The following ZNF385D variants were observed in gnomAD, a reference collection of about 807,000 sequenced individuals.
ZNF385D encodes the protein zinc finger protein 385D.
A neutral mutation model predicts 35.8 loss-of-function variants in ZNF385D; 15 were observed. That is an observed-to-expected ratio of 0.42 (90% CI 0.28 to 0.64). The LOEUF is 0.64. Among genes scored for constraint, ZNF385D ranks in the 30% least tolerant of loss-of-function variants. The pLI is 0.23. For missense variants in ZNF385D, 474 were observed against 494.6 expected, an observed-to-expected ratio of 0.96 and a Z score of 0.39; for synonymous variants, 212 against 186.8, an observed-to-expected ratio of 1.13 and a Z score of -1.10.
chr3:21,904,819 A>G (rs1699590579), intron 3 of ZNF385D, among the ~76,000 whole-genome samples: 1 of 152,190 alleles, frequency 6.6e-6, no homozygotes, highest in South Asian at 2.1e-4. Context: ...AAAGAACAGT[A>G]CTTATGAGAA....
intron 3 of ZNF385D, among the ~76,000 whole-genome samples, chr3:22,152,361 T>C (rs1254615564): frequency 6.6e-6 from 1 of 152,166 alleles, no homozygotes; most frequent in Non-Finnish European, 1.5e-5. Context: ...TCTGTATTAG[T>C]CTCCTATCAT....
chr3:21,737,241 T>A (rs1415460307), intron 1 of ZNF385D, among the ~76,000 whole-genome samples: 1 of 152,352 alleles, frequency 6.6e-6, no homozygotes, highest in East Asian at 1.9e-4. Flanking sequence ...GATAGATACA[T>A]GTGTCCATGT....
At chr3:22,127,690 T>C (rs147942736) in intron 3 of ZNF385D, among the ~76,000 whole-genome samples, 41 of 152,226 alleles carry the variant, frequency 2.7e-4, no homozygotes, top group African/African-American at 9.1e-4. Context: ...AATATTATCT[T>C]ATAATCTATT....
intron 2 of ZNF385D, among the ~76,000 whole-genome samples, chr3:22,341,023 G>A (rs920318613): frequency 5.3e-5 from 8 of 152,148 alleles, no homozygotes; most frequent in Non-Finnish European, 1.0e-4. Context: ...AGGTGACAAA[G>A]CAAGCAAGGT....
Position 21,843,411 on chromosome 3 carries a change from C to A in ZNF385D, c.326-178383G>T, listed in dbSNP as rs17009768. ...ATTATCCCTGAGGATATGTTTCAGC[C>A]TAAGAGAAATGCGAGCCTGTTGTCC... On this transcript the variant is annotated intron_variant, in intron 3 of 5. Coordinates refer to the ZNF385D transcript ENST00000494108. Among the ~76,000 whole-genome samples the A allele has an allele frequency of 9.5e-3, 1,444 of 151,960 alleles. 25 individuals carry two copies. Among genetic ancestry groups the A allele is most frequent in the African/African-American group, 0.033 (1,374 of 41,490 alleles).
intron 3 of ZNF385D, among the ~76,000 whole-genome samples, chr3:22,163,069 G>C (rs1706075931): frequency 1.3e-5 from 2 of 152,138 alleles, no homozygotes; most frequent in Non-Finnish European, 2.9e-5. Context: ...ACCCACTTTT[G>C]AGGCAAGGAG....
chr3:21,768,627 G>C lies in ZNF385D; in HGVS notation c.326-103599C>G, dbSNP rs575325090. On this transcript the variant is annotated intron_variant, in intron 3 of 5. Coordinates refer to the ZNF385D transcript ENST00000494108. ...TGAAATAAATTGCACATAGCTCATA[G>C]GAACCAGGGTAGAAAAAAAGACTTT... Among the ~76,000 whole-genome samples, 53 of 152,112 alleles carry C rather than the reference G, an allele frequency of 3.5e-4. 2 individuals are homozygous for C. The South Asian group carries it at 0.011, about 32-fold the overall frequency.
At chr3:22,372,686 G>A (rs1189877513) in exon 2 of ZNF385D, 1 of 167,880 alleles carries the variant, frequency 6.0e-6, no homozygotes. Context: ...CGCAGCGCGT[G>A]CTGTCCCTCC....
At chr3:22,346,814 A>G (rs1271297244) in intron 2 of ZNF385D, among the ~76,000 whole-genome samples, 4 of 152,206 alleles carry the variant, frequency 2.6e-5, no homozygotes, top group Non-Finnish European at 5.9e-5. Flanking sequence ...TGTCGATGGT[A>G]AATGCAAACT....
At chr3:21,425,431 C>T in intron 6 of ZNF385D, 61 bp downstream of exon 6, 1 of 1,452,502 alleles carries the variant, frequency 6.9e-7, no homozygotes, top group Non-Finnish European at 9.2e-7. Flanking sequence ...AGGAAGCACA[C>T]ACATCCTGCT....
intron 2 of ZNF385D, among the ~76,000 whole-genome samples, chr3:21,584,793 T>A (rs1426974211): frequency 1.3e-5 from 2 of 152,190 alleles, no homozygotes; most frequent in Non-Finnish European, 2.9e-5. Flanking sequence ...TATTCATCCA[T>A]CATTCTACCT....
chr3:22,024,990 CA>C (rs1697447660), intron 3 of ZNF385D, among the ~76,000 whole-genome samples: 2 of 152,080 alleles, frequency 1.3e-5, no homozygotes, highest in African/African-American at 4.8e-5. Context: ...TGACCTGAAA[CA>C]AAAGATGCGT....
At chr3:21,918,438 G>A (rs1373093692) in intron 3 of ZNF385D, among the ~76,000 whole-genome samples, 3 of 124,756 alleles carry the variant, frequency 2.4e-5, no homozygotes, top group Admixed American at 7.6e-5. Context: ...ACTTTTAAGT[G>A]AAGAGTTTGT....
intron 3 of ZNF385D, among the ~76,000 whole-genome samples, chr3:22,082,988 G>A (rs187151016): frequency 6.6e-6 from 1 of 152,316 alleles, no homozygotes; most frequent in African/African-American, 2.4e-5. Flanking sequence ...TGAGGATGCT[G>A]ACTGTTAGAA....
chr3:21,808,283 C>T (rs1381466916), intron 3 of ZNF385D, among the ~76,000 whole-genome samples: 1 of 152,064 alleles, frequency 6.6e-6, no homozygotes, highest in Admixed American at 6.5e-5. Context: ...GGAAAAGTCC[C>T]CTTCTAACAC....
Position 21,771,472 on chromosome 3 carries a change from T to C in ZNF385D, c.326-106444A>G, listed in dbSNP as rs543955765. 2.0e-4 allele frequency among the ~76,000 whole-genome samples: 31 copies of C among 151,954 alleles called. No individual in the cohort carries two copies. The South Asian group carries it at 4.8e-3, about 23-fold the overall frequency. ...AGACATAAAAAGGAATAGAAATGTATGGAACATTCAAAAGGAAAAAATAAG... is the reference window on the plus strand; with the variant it reads ...AGACATAAAAAGGAATAGAAATGTACGGAACATTCAAAAGGAAAAAATAAG... On this transcript the variant is annotated intron_variant, in intron 3 of 5. Transcript: ENST00000494108.
chr3:21,917,741 TTCAG>T (rs1293175807), intron 3 of ZNF385D, among the ~76,000 whole-genome samples: 2 of 152,194 alleles, frequency 1.3e-5, no homozygotes, highest in Non-Finnish European at 2.9e-5. Flanking sequence ...CAACCATTCA[TTCAG>T]TATCTTTACA....
At chr3:22,029,864 G>A (rs530771471) in intron 3 of ZNF385D, among the ~76,000 whole-genome samples, 1 of 152,000 alleles carries the variant, frequency 6.6e-6, no homozygotes, top group African/African-American at 2.4e-5. Flanking sequence ...GACAAGGGGT[G>A]GACTTGTGAT....
intron 3 of ZNF385D, among the ~76,000 whole-genome samples, chr3:22,136,861 C>A (rs1054405301): frequency 7.9e-5 from 12 of 152,056 alleles, no homozygotes; most frequent in Non-Finnish European, 1.5e-4. Context: ...AGAATTCCAA[C>A]TATGTGACAT....
Sources: gnomAD v4.1 joint callset for allele counts (sites outside exome capture counted in the v4.1 genomes callset) on GRCh38, gnomAD v4.1.1 for gene constraint, MANE v1.5 for transcripts, NCBI Gene and HGNC (gene_info 2026-07-23, HGNC 2026-07-21) for gene names.